The following L2HGDH variants were observed in gnomAD, a reference collection of about 807,000 sequenced individuals.
The protein encoded by L2HGDH is L-2-hydroxyglutarate dehydrogenase, also known as L-2-hydroxyglutarate dehydrogenase, mitochondrial.
A neutral mutation model predicts 51.5 loss-of-function variants in L2HGDH; 34 were observed. The ratio of observed to expected loss-of-function variants is 0.66; its 90% CI spans 0.50 to 0.88. The LOEUF is 0.88. Among genes scored for constraint, L2HGDH ranks in the 40% least tolerant of loss-of-function variants. L2HGDH has a pLI of 0.00. For synonymous variants in L2HGDH, 198 were observed against 197.9 expected, an observed-to-expected ratio of 1.00 and a Z score of -0.01; for missense variants, 558 against 571.9, an observed-to-expected ratio of 0.98 and a Z score of 0.25.
At chr14:50,277,936 C>T (rs1890065109) in intron 6 of L2HGDH, among the ~76,000 whole-genome samples, 1 of 152,112 alleles carries the variant, frequency 6.6e-6, no homozygotes, top group South Asian at 2.1e-4. Context: ...CCGCATTCAG[C>T]TCTGTTTCCC....
intron 2 of L2HGDH, among the ~76,000 whole-genome samples, chr14:50,302,562 A>G (rs909476427): frequency 6.6e-6 from 1 of 152,222 alleles, no homozygotes; most frequent in African/African-American, 2.4e-5. Context: ...ATCCTGGGAA[A>G]TACTACATTG....
intron 6 of L2HGDH, 103 bp downstream of exon 6, chr14:50,278,417 A>C (rs1595104592): frequency 1.2e-5 from 8 of 679,250 alleles, no homozygotes; most frequent in Non-Finnish European, 2.0e-5. Context: ...TACATTAGAC[A>C]AATGTCATTC....
At chr14:50,248,678 G>A (rs761932882) in intron 9 of L2HGDH, among the ~76,000 whole-genome samples, 35 of 152,150 alleles carry the variant, frequency 2.3e-4, no homozygotes, top group Non-Finnish European at 1.6e-4. Context: ...CAGGGAATCT[G>A]GACAAGAGAT....
chr14:50,286,829 A>G (rs1890592760), intron 4 of L2HGDH, among the ~76,000 whole-genome samples: 1 of 152,186 alleles, frequency 6.6e-6, no homozygotes, highest in Admixed American at 6.5e-5. Flanking sequence ...GTACTAAGCT[A>G]AAAGCATTCC....
chr14:50,311,794 C>T (rs773563762), intron 1 of L2HGDH, among the ~76,000 whole-genome samples: 23 of 152,222 alleles, frequency 1.5e-4, no homozygotes, highest in Non-Finnish European at 3.1e-4. Flanking sequence ...GAGCTACTCC[C>T]GACCTCTACT....
At chr14:50,264,364 G>A (rs967662289) in intron 9 of L2HGDH, among the ~76,000 whole-genome samples, 1 of 152,056 alleles carries the variant, frequency 6.6e-6, no homozygotes, top group Non-Finnish European at 1.5e-5. Flanking sequence ...GACAAGAAGA[G>A]CGAAACTCCA....
In L2HGDH at chr14:50,250,927, C is replaced by G. The variant is rs574243169; in HGVS notation, c.1197-3674G>C. The stretch of plus-strand genomic sequence containing the variant: ...CACAAACAAGCTCAGACTGTGAAGA[C>G]TACAATAAGTACCCAACTCTTCAAT... On this transcript the variant is annotated intron_variant, in intron 9 of 9. Transcript: ENST00000267436. 2.0e-5 allele frequency among the ~76,000 whole-genome samples: 3 copies of G among 152,286 alleles called. No individual in the cohort carries two copies. The East Asian group carries it at 5.8e-4, about 29-fold the overall frequency.
intron 1 of L2HGDH, among the ~76,000 whole-genome samples, chr14:50,304,453 G>A (rs1172102067): frequency 1.3e-5 from 2 of 152,148 alleles, no homozygotes; most frequent in African/African-American, 2.4e-5. Context: ...AAACAACTCC[G>A]AGAAAATAAA....
At chr14:50,300,275 G>T (rs1354250718) in intron 3 of L2HGDH, among the ~76,000 whole-genome samples, 1 of 152,086 alleles carries the variant, frequency 6.6e-6, no homozygotes, top group Non-Finnish European at 1.5e-5. Context: ...ATGTTGGTGA[G>T]CTTGATTTAG....
At chr14:50,255,672 G>C (rs1354359076) in intron 9 of L2HGDH, among the ~76,000 whole-genome samples, 2 of 151,926 alleles carry the variant, frequency 1.3e-5, no homozygotes, top group Non-Finnish European at 2.9e-5. Context: ...CACATAGTAG[G>C]CATTCAATAA....
chr14:50,244,267 C>T lies in L2HGDH; in HGVS notation c.*2791G>A. ...CCTGAGGAATCGCCACACTGACTTC[C>T]ACAATGGTTGAACTAGTTTACAGTC... On this transcript the variant is annotated 3_prime_UTR_variant, in exon 10 of 10. Coordinates refer to ENST00000267436, the MANE Select transcript of L2HGDH (RefSeq NM_024884.3). 1 of 431,244 alleles carries T rather than the reference C, an allele frequency of 2.3e-6. No homozygotes were observed. Among genetic ancestry groups the T allele is most frequent in the Non-Finnish European group, 3.1e-6 (1 of 323,874 alleles). The allele number at this position is 431,244 out of a possible 1,614,324, so 26.7% of individuals were successfully genotyped here.
intron 8 of L2HGDH, among the ~76,000 whole-genome samples, chr14:50,265,753 A>C (rs762668113): frequency 4.6e-5 from 7 of 152,144 alleles, no homozygotes; most frequent in Non-Finnish European, 1.0e-4. Flanking sequence ...GTCTCTACCA[A>C]AAATACAAAA....
chr14:50,278,604 T>A (rs1454957272), intron 5 of L2HGDH, 50 bp from the exon 6 acceptor site: 5 of 935,058 alleles, frequency 5.3e-6, no homozygotes, highest in Non-Finnish European at 8.5e-6. Flanking sequence ...AAGGCCAACA[T>A]TATTTGAAAT....
At chr14:50,285,119 C>A (rs1466929937) in intron 4 of L2HGDH, among the ~76,000 whole-genome samples, 1 of 152,144 alleles carries the variant, frequency 6.6e-6, no homozygotes, top group East Asian at 1.9e-4. Context: ...TGGTGGCGGG[C>A]ACCTGTAGAC....
chr14:50,287,996 C>G (rs1306915965), intron 4 of L2HGDH, among the ~76,000 whole-genome samples: 1 of 152,014 alleles, frequency 6.6e-6, no homozygotes, highest in African/African-American at 2.4e-5. Context: ...CCATGCCCAG[C>G]CAATAGTTGT....
At chr14:50,252,053 T>A (rs938442538) in intron 9 of L2HGDH, among the ~76,000 whole-genome samples, 20 of 150,008 alleles carry the variant, frequency 1.3e-4, no homozygotes, top group African/African-American at 4.9e-4. Context: ...AAATAGTAAC[T>A]ACAACAACTT....
intron 6 of L2HGDH, among the ~76,000 whole-genome samples, chr14:50,271,232 G>T (rs1889670203): frequency 6.6e-6 from 1 of 152,152 alleles, no homozygotes; most frequent in Admixed American, 6.6e-5. Flanking sequence ...AAGTATTTTT[G>T]TGATATAAAT....
intron 4 of L2HGDH, among the ~76,000 whole-genome samples, chr14:50,285,629 T>A (rs1890526213): frequency 6.6e-6 from 1 of 152,250 alleles, no homozygotes; most frequent in African/African-American, 2.4e-5. Flanking sequence ...GTGACAAGTA[T>A]AACAGAGGGA....
chr14:50,279,803 G>A (rs897132301), intron 5 of L2HGDH, among the ~76,000 whole-genome samples: 2 of 152,146 alleles, frequency 1.3e-5, no homozygotes, highest in African/African-American at 4.8e-5. Context: ...GCTTACGCCT[G>A]TAACCCCAGA....
Sources: allele counts gnomAD v4.1 joint callset (sites outside exome capture counted in the v4.1 genomes callset), GRCh38; gene constraint gnomAD v4.1.1; transcripts MANE v1.5; gene names NCBI Gene and HGNC (gene_info 2026-07-23, HGNC 2026-07-21).